Variants in NELL1 observed in about 807,000 individuals in gnomAD.
The protein encoded by NELL1 is neural EGFL like 1.
NELL1 carries 76 observed loss-of-function variants against 107.4 expected under a neutral mutation model. The observed-to-expected ratio is 0.71, with a 90% CI of 0.59 to 0.86. The LOEUF is 0.86. Among genes scored for constraint, NELL1 ranks in the 40% least tolerant of loss-of-function variants. The pLI, the probability that NELL1 is intolerant of heterozygous loss-of-function variation, is 0.00. For missense variants in NELL1, 1,024 were observed against 1,005.5 expected (o/e 1.02, Z -0.25); for synonymous variants, 353 against 341.2 (o/e 1.03, Z -0.38).
chr11:21,315,926 G>GT (rs1849872070), intron 14 of NELL1, among the ~76,000 whole-genome samples: 2 of 151,116 alleles, frequency 1.3e-5, no homozygotes, highest in Admixed American at 6.6e-5. Flanking sequence ...TGTTTGCTTT[G>GT]TTTTTTGGCT....
intron 15 of NELL1, among the ~76,000 whole-genome samples, chr11:21,400,566 C>T (rs1008681231): frequency 7.2e-5 from 11 of 151,794 alleles, no homozygotes; most frequent in African/African-American, 2.2e-4. Flanking sequence ...ACCTGTTTAA[C>T]GTAATCTTGA....
At chr11:21,439,182 G>A (rs371143292) in intron 15 of NELL1, among the ~76,000 whole-genome samples, 9 of 152,136 alleles carry the variant, frequency 5.9e-5, no homozygotes, top group African/African-American at 2.2e-4. Context: ...CTAAGAGTCA[G>A]AGAAATACTA....
intron 15 of NELL1, among the ~76,000 whole-genome samples, chr11:21,523,133 T>A (rs899901018): frequency 6.6e-6 from 1 of 152,076 alleles, no homozygotes; most frequent in Non-Finnish European, 1.5e-5. Flanking sequence ...AGGTGTGAGC[T>A]ACTGCACCCG....
chr11:21,534,442 T>C lies in NELL1; in HGVS notation c.1714T>C (p.Trp572Arg), dbSNP rs771960078. 7 of 1,613,784 alleles carry C rather than the reference T, an allele frequency of 4.3e-6. No homozygotes were observed. The highest frequency in any genetic ancestry group is 5.9e-6 in the Non-Finnish European group (7 of 1,179,840). ...NHSRCVNLPG[W>R]YHCECRSGFH... is the part of the protein sequence containing the mutation. The stretch of plus-strand genomic sequence containing the variant: ...TTCCCGCTGCGTTAACCTGCCAGGG[T>C]GGTACCACTGTGAGTGCAGAAGCGG... Residue 572 changes from tryptophan to arginine, a missense_variant, in exon 16 of 20, where the codon TGG becomes CGG. Trp to Arg is a moderately radical substitution (Grantham distance 101). Coordinates refer to ENST00000357134, the MANE Select transcript of NELL1 (RefSeq NM_006157.5).
chr11:21,005,353 G>A (rs1008963585), intron 12 of NELL1, among the ~76,000 whole-genome samples: 13 of 152,130 alleles, frequency 8.5e-5, no homozygotes, highest in African/African-American at 2.9e-4. Flanking sequence ...TTTTGACTTA[G>A]AGGCTAATGC....
chr11:21,487,802 G>T (rs777239394), intron 15 of NELL1, among the ~76,000 whole-genome samples: 2 of 151,944 alleles, frequency 1.3e-5, no homozygotes, highest in Non-Finnish European at 2.9e-5. Flanking sequence ...TACCTGTAAG[G>T]ACACAAGTAA....
intron 12 of NELL1, among the ~76,000 whole-genome samples, chr11:21,066,193 C>A (rs1210772169): frequency 6.6e-6 from 1 of 152,150 alleles, no homozygotes; most frequent in African/African-American, 2.4e-5. Flanking sequence ...TTACTTCAAG[C>A]TGCCAATCTC....
chr11:21,134,195 G>T (rs1855689733), intron 13 of NELL1, among the ~76,000 whole-genome samples: 1 of 152,224 alleles, frequency 6.6e-6, no homozygotes, highest in African/African-American at 2.4e-5. Flanking sequence ...GAAAGTCTAT[G>T]ATTCTAAGTG....
At chr11:21,371,735 A>G (rs1044643344) in intron 15 of NELL1, among the ~76,000 whole-genome samples, 1 of 152,070 alleles carries the variant, frequency 6.6e-6, no homozygotes, top group Non-Finnish European at 1.5e-5. Context: ...GGAATGTCAC[A>G]CTTACTGCTT....
intron 15 of NELL1, among the ~76,000 whole-genome samples, chr11:21,431,271 G>A (rs557980885): frequency 3.9e-5 from 6 of 152,138 alleles, no homozygotes; most frequent in South Asian, 2.1e-4. Context: ...AGACACCCAC[G>A]ATCTGCAAGA....
chr11:20,998,676 A>G (rs527622069), intron 12 of NELL1, among the ~76,000 whole-genome samples: 1 of 152,374 alleles, frequency 6.6e-6, no homozygotes, highest in South Asian at 2.1e-4. Flanking sequence ...AATGTTGACC[A>G]GTAGGAAAAC....
At chr11:20,958,167 C>G (rs1851216923) in intron 11 of NELL1, among the ~76,000 whole-genome samples, 1 of 152,086 alleles carries the variant, frequency 6.6e-6, no homozygotes, top group Non-Finnish European at 1.5e-5. Context: ...CCTGTAATCT[C>G]AGGACTTTGG....
chr11:21,272,897 A>G (rs936118475), intron 14 of NELL1, among the ~76,000 whole-genome samples: 9 of 152,196 alleles, frequency 5.9e-5, no homozygotes, highest in Non-Finnish European at 1.2e-4. Flanking sequence ...CCAAAAACCC[A>G]TCTGTACGTC....
At chr11:21,377,264 G>C (rs887894333) in intron 15 of NELL1, among the ~76,000 whole-genome samples, 1 of 151,942 alleles carries the variant, frequency 6.6e-6, no homozygotes, top group African/African-American at 2.4e-5. Context: ...AGAGATATTG[G>C]ATTTTATCAA....
intron 14 of NELL1, among the ~76,000 whole-genome samples, chr11:21,318,644 C>G (rs886250200): frequency 1.1e-4 from 16 of 151,022 alleles, no homozygotes; most frequent in African/African-American, 3.5e-4. Context: ...TGTGCAAACT[C>G]CAGAGCAGAA....
intron 2 of NELL1, among the ~76,000 whole-genome samples, chr11:20,687,621 T>TAGAG (rs942748015): frequency 1.3e-5 from 2 of 152,048 alleles, no homozygotes; most frequent in African/African-American, 2.4e-5. Context: ...CGTGACAGTT[T>TAGAG]TGCTCTGTCA....
intron 13 of NELL1, among the ~76,000 whole-genome samples, chr11:21,212,198 C>T (rs1256173879): frequency 6.6e-6 from 1 of 152,150 alleles, no homozygotes; most frequent in African/African-American, 2.4e-5. Context: ...AGGCCATATA[C>T]AACCTCCCTG....
intron 15 of NELL1, among the ~76,000 whole-genome samples, chr11:21,437,436 C>T (rs867421845): frequency 5.3e-5 from 8 of 152,008 alleles, no homozygotes; most frequent in Admixed American, 2.0e-4. Flanking sequence ...CTCGGCTCAC[C>T]GCAACCTCCG....
At chr11:21,488,961 T>A (rs1854718480) in intron 15 of NELL1, among the ~76,000 whole-genome samples, 1 of 151,608 alleles carries the variant, frequency 6.6e-6, no homozygotes, top group Non-Finnish European at 1.5e-5. Flanking sequence ...AAGAACTAAA[T>A]GAAATACAGA....
Sources: gnomAD v4.1 joint callset for allele counts (sites outside exome capture counted in the v4.1 genomes callset) on GRCh38, gnomAD v4.1.1 for gene constraint, MANE v1.5 for transcripts, NCBI Gene and HGNC (gene_info 2026-07-23, HGNC 2026-07-21) for gene names.